Variants in DNAH8 observed in about 807,000 individuals in gnomAD.
DNAH8 encodes the protein axonemal beta dynein heavy chain 8.
Under a neutral mutation model 562.1 loss-of-function variants are expected in DNAH8, and 382 were observed. The observed-to-expected ratio is 0.68, with a 90% CI of 0.63 to 0.74. DNAH8 has a LOEUF of 0.74. Among genes scored for constraint, DNAH8 ranks in the 30% least tolerant of loss-of-function variants. The pLI, the probability that DNAH8 is intolerant of heterozygous loss-of-function variation, is 0.00. For missense variants in DNAH8, 5,203 were observed against 5,620.4 expected, an observed-to-expected ratio of 0.93 and a Z score of 2.37; for synonymous variants, 1,881 against 1,919.4, an observed-to-expected ratio of 0.98 and a Z score of 0.52.
intron 12 of DNAH8, 39 bp from the exon 13 acceptor site, chr6:38,775,715 T>C: frequency 7.6e-7 from 1 of 1,313,994 alleles, no homozygotes; most frequent in Non-Finnish European, 1.1e-6. Flanking sequence ...TTGCCTGCTA[T>C]CTCATTTAAA....
chr6:38,773,627 A>G (rs1767786300), intron 12 of DNAH8, among the ~76,000 whole-genome samples: 1 of 152,190 alleles, frequency 6.6e-6, no homozygotes, highest in Non-Finnish European at 1.5e-5. Context: ...GCTAAGAACG[A>G]CAGACCGGCA....
At chr6:38,949,659 C>A in intron 81 of DNAH8, 89 bp downstream of exon 81, 1 of 785,082 alleles carries the variant, frequency 1.3e-6, no homozygotes. Context: ...TTCACTATAT[C>A]ACTGTCATTG....
intron 36 of DNAH8, among the ~76,000 whole-genome samples, chr6:38,848,292 C>T (rs1414934113): frequency 6.6e-6 from 1 of 152,126 alleles, no homozygotes; most frequent in Non-Finnish European, 1.5e-5. Flanking sequence ...CAAGCAGACC[C>T]CACTTGGATT....
At chr6:39,014,324 A>G (rs556355020) in intron 91 of DNAH8, among the ~76,000 whole-genome samples, 2 of 152,262 alleles carry the variant, frequency 1.3e-5, no homozygotes, top group South Asian at 4.1e-4. Flanking sequence ...GTGTCTACTT[A>G]TGAGTCTCTT....
chr6:38,873,086 T>A lies in DNAH8; in HGVS notation c.7418T>A (p.Val2473Asp). The part of the protein sequence containing the change: ...HNIENASPAT[V>D]SRMGMVYISS... ...ATCGAGAACGCCTCTCCTGCCACGG[T>A]TTCTAGGATGGGCATGGTCTATATC... Residue 2473 changes from valine to aspartate, a missense_variant, in exon 51 of 93, where the codon GTT becomes GAT. By Grantham distance (152) the Val-to-Asp change is radical (BLOSUM62 -3). Coordinates refer to ENST00000327475, the MANE Select transcript of DNAH8 (RefSeq NM_001206927.2). 1.2e-6 allele frequency: 2 copies of A among 1,613,990 alleles called. No individual in the cohort carries two copies.
intron 36 of DNAH8, among the ~76,000 whole-genome samples, chr6:38,846,182 A>T (rs144708038): frequency 6.6e-6 from 1 of 152,172 alleles, no homozygotes; most frequent in African/African-American, 2.4e-5. Flanking sequence ...CGTGAGAGCA[A>T]TCTACCACTA....
At chr6:38,730,501 C>T (rs1763581290) in intron 4 of DNAH8, among the ~76,000 whole-genome samples, 1 of 152,250 alleles carries the variant, frequency 6.6e-6, no homozygotes, top group East Asian at 1.9e-4. Context: ...TCTGAGACTA[C>T]TCATCATCAG....
chr6:38,973,844 T>C (rs961277124), intron 84 of DNAH8, 31 bp downstream of exon 84: 5 of 1,551,776 alleles, frequency 3.2e-6, no homozygotes, highest in Non-Finnish European at 2.6e-6. Context: ...TCATCGAGAG[T>C]CATAGTAATA....
At chr6:38,871,498 C>T (rs964280867) in intron 49 of DNAH8, among the ~76,000 whole-genome samples, 20 of 152,148 alleles carry the variant, frequency 1.3e-4, no homozygotes, top group Admixed American at 8.5e-4. Flanking sequence ...TAACATTGCT[C>T]TTGAACATGT....
intron 10 of DNAH8, among the ~76,000 whole-genome samples, chr6:38,761,204 C>T (rs1165650873): frequency 1.3e-5 from 2 of 149,120 alleles, no homozygotes; most frequent in Non-Finnish European, 3.0e-5. Flanking sequence ...TGGTGTGCTG[C>T]ACCCATTAAC....
intron 82 of DNAH8, among the ~76,000 whole-genome samples, chr6:38,956,284 G>C (rs1054633586): frequency 1.3e-5 from 2 of 152,114 alleles, no homozygotes; most frequent in African/African-American, 4.8e-5. Flanking sequence ...CTGCAGTCAG[G>C]GAACTATCCT....
intron 88 of DNAH8, among the ~76,000 whole-genome samples, chr6:39,004,660 T>A (rs1264894310): frequency 6.6e-6 from 1 of 152,204 alleles, no homozygotes; most frequent in Non-Finnish European, 1.5e-5. Flanking sequence ...TCCATCACTC[T>A]AAAAAGAAAT....
chr6:38,861,501 CTATT>C (rs1158409153), intron 43 of DNAH8, among the ~76,000 whole-genome samples: 6 of 152,256 alleles, frequency 3.9e-5, no homozygotes, highest in African/African-American at 1.2e-4. Flanking sequence ...CATAGTGAAA[CTATT>C]TATTTACAGT....
In DNAH8 at chr6:38,716,175, A is replaced by G. The variant is rs190615687; in HGVS notation, c.-35+760A>G. Among the ~76,000 whole-genome samples the G allele has an allele frequency of 1.1e-3, 167 of 150,568 alleles. 3 individuals are homozygous for G. Among genetic ancestry groups the G allele is most frequent in the African/African-American group, 4.1e-3 (166 of 40,716 alleles). On this transcript the variant is annotated intron_variant, in intron 1 of 92. Coordinates refer to ENST00000327475, the MANE Select transcript of DNAH8 (RefSeq NM_001206927.2). ...ACGGGGTTTCACAGTGTTAGCCAAGATGGTCTCGATCTCCTGACCTTGTGA... is the reference window on the plus strand; with the variant it reads ...ACGGGGTTTCACAGTGTTAGCCAAGGTGGTCTCGATCTCCTGACCTTGTGA...
At chr6:38,901,073 C>T (rs113356894) in intron 62 of DNAH8, among the ~76,000 whole-genome samples, 5 of 151,244 alleles carry the variant, frequency 3.3e-5, no homozygotes, top group Middle Eastern at 3.4e-3. Flanking sequence ...AATTTGTTTG[C>T]GATTCTTTCT....
At chr6:38,887,113 T>A in intron 57 of DNAH8, 109 bp downstream of exon 57, 1 of 733,274 alleles carries the variant, frequency 1.4e-6, no homozygotes, top group Non-Finnish European at 2.3e-6. Flanking sequence ...GTTAGGTATG[T>A]GAAATGGAGA....
In DNAH8 at chr6:38,786,845, G is replaced by A. The variant is rs1260427078; in HGVS notation, c.2476G>A (p.Val826Ile). Residue 826 changes from valine to isoleucine, a missense_variant, in exon 18 of 93, where the codon GTT (valine) becomes ATT (isoleucine). Physicochemically the swap from Val to Ile is conservative, Grantham distance 29 (BLOSUM62 3). Coordinates refer to ENST00000327475, the MANE Select transcript of DNAH8 (RefSeq NM_001206927.2). Reference sequence around the variant, plus strand: ...TTTCGATCCCAAAATTTTGGAAGTTGTTCGGGAAACTAAGTGTATGATAAA... The same window carrying A: ...TTTCGATCCCAAAATTTTGGAAGTTATTCGGGAAACTAAGTGTATGATAAA... ...VNFDPKILEV[V>I]RETKCMIKMK... The A allele has an allele frequency of 6.2e-7, 1 of 1,613,486 alleles. No individual in the cohort carries two copies. The highest frequency in any genetic ancestry group is 1.1e-5 in the South Asian group (1 of 90,942).
intron 11 of DNAH8, chr6:38,762,968 A>T: frequency 2.8e-6 from 1 of 352,538 alleles, no homozygotes; most frequent in Non-Finnish European, 5.5e-6. Flanking sequence ...GGACTGGAAG[A>T]ATCAGGATCA....
intron 30 of DNAH8, among the ~76,000 whole-genome samples, chr6:38,830,045 C>G (rs968194832): frequency 9.9e-5 from 15 of 152,072 alleles, no homozygotes. Context: ...CTCCTTTATT[C>G]TTACTTAGTT....
Sources: gnomAD v4.1 joint callset for allele counts (sites outside exome capture counted in the v4.1 genomes callset) on GRCh38, gnomAD v4.1.1 for gene constraint, MANE v1.5 for transcripts, NCBI Gene and HGNC (gene_info 2026-07-23, HGNC 2026-07-21) for gene names.